Variants in SHQ1 observed in about 807,000 individuals in gnomAD.
SHQ1 encodes the protein SHQ1, H/ACA ribonucleoprotein assembly factor.
In SHQ1, 49 loss-of-function variants were observed where a neutral mutation model predicts 53.8. The ratio of observed to expected loss-of-function variants is 0.91; its 90% CI spans 0.72 to 1.16. The LOEUF is 1.16. SHQ1 is among the 50% of genes most tolerant of loss of function. SHQ1 has a pLI of 0.00. For synonymous variants in SHQ1, 243 were observed against 251.0 expected (o/e 0.97, Z 0.30); for missense variants, 738 against 683.1 (o/e 1.08, Z -0.90).
At chr3:72,754,474 T>C (rs1223142548) in intron 10 of SHQ1, among the ~76,000 whole-genome samples, 1 of 151,836 alleles carries the variant, frequency 6.6e-6, no homozygotes, top group Non-Finnish European at 1.5e-5. Context: ...CTTCACTTCC[T>C]GGGTTCAAGA....
At chr3:72,792,544 G>T (rs1192903167) in intron 10 of SHQ1, among the ~76,000 whole-genome samples, 2 of 152,092 alleles carry the variant, frequency 1.3e-5, no homozygotes, top group African/African-American at 4.8e-5. Context: ...CCAGCACTCT[G>T]GGAGGCCGAG....
chr3:72,791,155 C>T (rs1706422396), intron 10 of SHQ1, among the ~76,000 whole-genome samples: 1 of 152,104 alleles, frequency 6.6e-6, no homozygotes, highest in Admixed American at 6.5e-5. Flanking sequence ...CCTCAATATT[C>T]ATTACATGTT....
chr3:72,824,631 T>C, intron 5 of SHQ1, 80 bp from the exon 6 acceptor site: 3 of 1,468,342 alleles, frequency 2.0e-6, no homozygotes, highest in Non-Finnish European at 2.8e-6. Context: ...TAACTCATAT[T>C]TGTACTAGAA....
intron 10 of SHQ1, among the ~76,000 whole-genome samples, chr3:72,759,100 T>C (rs557267412): frequency 1.9e-4 from 29 of 152,328 alleles, no homozygotes; most frequent in African/African-American, 7.0e-4. Context: ...TGTCTCTTCT[T>C]TTCTTATGAG....
At chr3:72,799,728 G>A (rs1486772334) in intron 9 of SHQ1, among the ~76,000 whole-genome samples, 2 of 152,178 alleles carry the variant, frequency 1.3e-5, no homozygotes, top group Admixed American at 6.5e-5. Context: ...AAAAAGTATT[G>A]TTATTAAAAT....
At chr3:72,732,701 C>T in the SHQ1 span, among the ~76,000 whole-genome samples, 1 of 151,576 alleles carries the variant, frequency 6.6e-6, no homozygotes, top group African/African-American at 2.4e-5. Flanking sequence ...GCCCATATAA[C>T]AGTCCCAGTC....
At chr3:72,846,870 TA>T (rs1225360975) in intron 1 of SHQ1, among the ~76,000 whole-genome samples, 2 of 152,186 alleles carry the variant, frequency 1.3e-5, no homozygotes, top group Non-Finnish European at 2.9e-5. Context: ...TATAAAGCAC[TA>T]ACCTGGAGTA....
chr3:72,794,655 A>G (rs1019645257), intron 9 of SHQ1: 2 of 152,010 alleles, frequency 1.3e-5, no homozygotes, highest in South Asian at 2.1e-4. Flanking sequence ...TCAAACACAC[A>G]TTTTTTAATG....
At chr3:72,747,361 C>T (rs1384401356), downstream of SHQ1, among the ~76,000 whole-genome samples, 1 of 152,190 alleles carries the variant, frequency 6.6e-6, no homozygotes, top group African/African-American at 2.4e-5. Context: ...ACCAGATTTA[C>T]TCTCCCGTCA....
chr3:72,734,034 G>T, the SHQ1 span, among the ~76,000 whole-genome samples: 1 of 151,024 alleles, frequency 6.6e-6, no homozygotes, highest in South Asian at 2.1e-4. Flanking sequence ...CACAGTGTGT[G>T]CCTGTAGTCC....
intron 3 of SHQ1, among the ~76,000 whole-genome samples, 195 bp from the exon 4 acceptor site, chr3:72,841,394 T>C (rs1400562783): frequency 1.4e-5 from 2 of 147,898 alleles, no homozygotes; most frequent in Non-Finnish European, 3.0e-5. Context: ...GTTCATACAA[T>C]GGAATATTAC....
At chr3:72,819,527 A>C (rs1707415844) in intron 6 of SHQ1, among the ~76,000 whole-genome samples, 1 of 152,096 alleles carries the variant, frequency 6.6e-6, no homozygotes, top group African/African-American at 2.4e-5. Flanking sequence ...AGTCTCTTTA[A>C]GATTAAATTT....
chr3:72,839,089 G>C lies in SHQ1; in HGVS notation c.486+1956C>G, dbSNP rs186125117. Among the ~76,000 whole-genome samples, 562 of 152,198 alleles carry C rather than the reference G, an allele frequency of 3.7e-3. 2 individuals are homozygous for C. Among genetic ancestry groups the C allele is most frequent in the African/African-American group, 0.012 (484 of 41,516 alleles). ...CAACCTGTCAGAAATCTTTCAAAAG[G>C]ATTTTCCGTAAACAGAAGCAACAAT... On this transcript the variant is annotated intron_variant, in intron 4 of 10. Coordinates refer to ENST00000325599, the MANE Select transcript of SHQ1 (RefSeq NM_018130.3).
At chr3:72,833,499 T>TAGATAGAC (rs1420801849) in intron 4 of SHQ1, among the ~76,000 whole-genome samples, 4 of 37,390 alleles carry the variant, frequency 1.1e-4, no homozygotes, top group South Asian at 9.2e-4. Context: ...GATAGATAGA[T>TAGATAGAC]AGACAGACAG....
Position 72,750,330 on chromosome 3 carries a change from C to T in SHQ1, c.1688G>A (p.Arg563His), listed in dbSNP as rs144498351. The change falls in exon 11 of 11, where the codon CGC becomes CAC. Residue 563 changes from arginine to histidine, a missense_variant. Arg to His is a conservative substitution (Grantham distance 29). Transcript: ENST00000325599. Reference protein sequence around the residue: ...SEPKGTTAVNRSNIQERDGCQ... With the variant: ...SEPKGTTAVNHSNIQERDGCQ... Reference sequence around the variant, plus strand: ...GCCGTCTCTCTCCTGAATATTGCTGCGGTTTACAGCAGTGGTGCCCTTGGG... The same window carrying T: ...GCCGTCTCTCTCCTGAATATTGCTGTGGTTTACAGCAGTGGTGCCCTTGGG... The T allele has an allele frequency of 9.4e-4, 1,518 of 1,613,712 alleles. 2 individuals are homozygous for T. Among genetic ancestry groups the T allele is most frequent in the Non-Finnish European group, 1.1e-3 (1,340 of 1,179,930 alleles).
chr3:72,750,865 G>T (rs779616295), intron 10 of SHQ1, 29 bp from the exon 11 acceptor site: 4 of 1,474,004 alleles, frequency 2.7e-6, no homozygotes, highest in Non-Finnish European at 3.6e-6. Flanking sequence ...AGAAAGATTA[G>T]AATTATTTAT....
At chr3:72,844,791 G>GA (rs539982321) in intron 1 of SHQ1, among the ~76,000 whole-genome samples, 216 of 152,236 alleles carry the variant, frequency 1.4e-3, no homozygotes, top group African/African-American at 5.1e-3. Flanking sequence ...CCACAAAGTG[G>GA]AAAACTCCAC....
At chr3:72,776,109 T>C (rs1705953487) in intron 10 of SHQ1, among the ~76,000 whole-genome samples, 1 of 152,224 alleles carries the variant, frequency 6.6e-6, no homozygotes, top group South Asian at 2.1e-4. Context: ...GCATTACTAC[T>C]GCCTATATAG....
At position 72,768,052 on chromosome 3, in the gene SHQ1, A is replaced by C. The variant is rs571947976; in HGVS notation, c.1182-17216T>G. On this transcript the variant is annotated intron_variant, in intron 10 of 10. Coordinates refer to ENST00000325599, the MANE Select transcript of SHQ1 (RefSeq NM_018130.3). ...TCCAGCCCTAGAAGGAGCAGTTTAC[A>C]AAAAAGCAGGGAATGCTGTCAGCAG... is the stretch of plus-strand genomic sequence containing the variant. Among the ~76,000 whole-genome samples the C allele has an allele frequency of 3.9e-5, 6 of 151,926 alleles. No homozygotes were observed. The South Asian group carries it at 1.2e-3, about 32-fold the overall frequency.
Sources: gnomAD v4.1 joint callset for allele counts (sites outside exome capture counted in the v4.1 genomes callset) on GRCh38, gnomAD v4.1.1 for gene constraint, MANE v1.5 for transcripts, NCBI Gene and HGNC (gene_info 2026-07-23, HGNC 2026-07-21) for gene names.